Variants in PPP2R5E observed in about 807,000 individuals in gnomAD.
PPP2R5E encodes serine/threonine-protein phosphatase 2A 56 kDa regulatory subunit epsilon isoform.
PPP2R5E carries 4 observed loss-of-function variants against 65.3 expected under a neutral mutation model. The ratio of observed to expected loss-of-function variants is 0.06; its 90% CI spans 0.03 to 0.14. The LOEUF (loss-of-function observed/expected upper bound fraction) is 0.14, where lower values mean the gene tolerates loss of function less well. Among genes scored for constraint, PPP2R5E ranks in the 10% least tolerant of loss-of-function variants. PPP2R5E has a pLI of 1.00. For synonymous variants in PPP2R5E, 183 were observed against 187.4 expected (o/e 0.98, Z 0.19); for missense variants, 274 against 556.1 (o/e 0.49, Z 5.10).
At chr14:63,534,153 A>T (rs1345107598) in intron 2 of PPP2R5E, among the ~76,000 whole-genome samples, 1 of 152,180 alleles carries the variant, frequency 6.6e-6, no homozygotes, top group Admixed American at 6.5e-5. Flanking sequence ...ATTATTATTA[A>T]CATAAATTTG....
intron 13 of PPP2R5E, 34 bp downstream of exon 13, chr14:63,382,020 TTA>T (rs761056131): frequency 6.5e-7 from 1 of 1,539,670 alleles, no homozygotes; most frequent in Non-Finnish European, 8.9e-7. Context: ...CTCAATAGCT[TTA>T]TGCACAGCTG....
intron 3 of PPP2R5E, among the ~76,000 whole-genome samples, chr14:63,425,851 T>A (rs1214747923): frequency 6.6e-6 from 1 of 152,250 alleles, no homozygotes; most frequent in Non-Finnish European, 1.5e-5. Flanking sequence ...TATATTGTGT[T>A]CTAATCTTCT....
intron 11 of PPP2R5E, among the ~76,000 whole-genome samples, chr14:63,388,352 G>A (rs1239486553): frequency 6.6e-6 from 1 of 152,092 alleles, no homozygotes; most frequent in African/African-American, 2.4e-5. Context: ...TGGTGGCCAG[G>A]CTGGTCGCAA....
At chr14:63,440,462 T>G (rs1424740147) in intron 3 of PPP2R5E, among the ~76,000 whole-genome samples, 2 of 151,388 alleles carry the variant, frequency 1.3e-5, no homozygotes, top group Non-Finnish European at 2.9e-5. Context: ...TACTATGTGG[T>G]CTGGCCTTGT....
intron 2 of PPP2R5E, among the ~76,000 whole-genome samples, chr14:63,518,208 T>C (rs1013000765): frequency 6.6e-6 from 1 of 152,110 alleles, no homozygotes; most frequent in Non-Finnish European, 1.5e-5. Flanking sequence ...CCCAAAGCAC[T>C]GGGATTACAA....
At chr14:63,433,588 G>C (rs534810644) in intron 3 of PPP2R5E, among the ~76,000 whole-genome samples, 1 of 152,114 alleles carries the variant, frequency 6.6e-6, no homozygotes, top group Admixed American at 6.5e-5. Flanking sequence ...ATTCAACATA[G>C]TGTCCTACTT....
chr14:63,432,222 T>TA (rs1441876932), intron 3 of PPP2R5E, among the ~76,000 whole-genome samples: 1 of 151,992 alleles, frequency 6.6e-6, no homozygotes, highest in Non-Finnish European at 1.5e-5. Flanking sequence ...CTCTACTGGG[T>TA]ATACACTACA....
intron 5 of PPP2R5E, among the ~76,000 whole-genome samples, chr14:63,400,383 A>G (rs987214454): frequency 5.3e-5 from 8 of 152,218 alleles, no homozygotes; most frequent in African/African-American, 1.7e-4. Flanking sequence ...AAAGGAAGAG[A>G]CATCCAGGCT....
chr14:63,465,928 T>C (rs1204680546), intron 2 of PPP2R5E, among the ~76,000 whole-genome samples: 1 of 152,178 alleles, frequency 6.6e-6, no homozygotes, highest in Non-Finnish European at 1.5e-5. Context: ...ATTTACGCCA[T>C]GCTTATAAGG....
intron 11 of PPP2R5E, 31 bp downstream of exon 11, chr14:63,389,581 C>T (rs1276654103): frequency 1.3e-6 from 2 of 1,563,636 alleles, no homozygotes; most frequent in South Asian, 1.2e-5. Context: ...ATAACTCATG[C>T]TCCCTGGCTC....
chr14:63,458,353 T>A (rs1056351468), intron 2 of PPP2R5E, among the ~76,000 whole-genome samples: 9 of 152,176 alleles, frequency 5.9e-5, no homozygotes, highest in African/African-American at 2.2e-4. Flanking sequence ...TTGGGGCACA[T>A]AATCATGGAT....
intron 3 of PPP2R5E, among the ~76,000 whole-genome samples, chr14:63,442,759 C>G (rs1001126137): frequency 6.6e-6 from 1 of 152,130 alleles, no homozygotes; most frequent in African/African-American, 2.4e-5. Flanking sequence ...GTATGGGATT[C>G]AGTACTATCC....
intron 10 of PPP2R5E, among the ~76,000 whole-genome samples, chr14:63,390,691 G>C (rs549386090): frequency 1.3e-5 from 2 of 152,158 alleles, no homozygotes; most frequent in Non-Finnish European, 2.9e-5. Flanking sequence ...GAGAAGGAAG[G>C]CGTTTCTGCT....
chr14:63,375,012 A>C lies in PPP2R5E; in HGVS notation c.*997T>G, dbSNP rs1214799297. ...ACATCCTCTTTTGCTGGAATACTTT[A>C]TAAATACATATTAAAAAGTAAGGCA... On this transcript the variant is annotated 3_prime_UTR_variant, in exon 14 of 14. Transcript: ENST00000337537. 1 of 152,494 alleles carries C rather than the reference A, an allele frequency of 6.6e-6. No homozygotes were observed. Among genetic ancestry groups the C allele is most frequent in the East Asian group, 1.9e-4 (1 of 5,196 alleles). The allele number at this position is 152,494 out of a possible 1,614,324, so 9.4% of individuals were successfully genotyped here.
chr14:63,523,065 G>A lies in PPP2R5E; in HGVS notation c.157+16464C>T, dbSNP rs866166875. On this transcript the variant is annotated intron_variant, in intron 2 of 13. Transcript: ENST00000337537. ...AAGGAGCCCCTCTGCCCGGCCAGCCGCCCCGTCCGGGAGGGAGGTGGGGGG... is the reference window on the plus strand; with the variant it reads ...AAGGAGCCCCTCTGCCCGGCCAGCCACCCCGTCCGGGAGGGAGGTGGGGGG... Among the ~76,000 whole-genome samples the A allele has an allele frequency of 2.7e-5, 4 of 145,548 alleles. No individual in the cohort carries two copies. In the East Asian group the frequency reaches 6.2e-4, roughly 23 times the overall value.
intron 2 of PPP2R5E, among the ~76,000 whole-genome samples, chr14:63,455,026 A>G (rs967049144): frequency 2.0e-5 from 3 of 152,234 alleles, no homozygotes; most frequent in African/African-American, 7.2e-5. Flanking sequence ...GTACTAAGCA[A>G]GAAGGACCTT....
chr14:63,384,678 AT>A (rs78278279), intron 11 of PPP2R5E, 107 bp from the exon 12 acceptor site: 66,696 of 873,814 alleles, frequency 0.076, 3,371 homozygotes, highest in East Asian at 0.23. Context: ...TTTGTAAATC[AT>A]TCAATTAGAG....
chr14:63,538,232 A>T (rs905888879), intron 2 of PPP2R5E, among the ~76,000 whole-genome samples: 3 of 150,576 alleles, frequency 2.0e-5, no homozygotes, highest in African/African-American at 7.3e-5. Flanking sequence ...TAGGAAATAG[A>T]GGCCACAGTG....
At chr14:63,384,841 A>G (rs1179748377) in intron 11 of PPP2R5E, among the ~76,000 whole-genome samples, 1 of 152,048 alleles carries the variant, frequency 6.6e-6, no homozygotes, top group Non-Finnish European at 1.5e-5. Flanking sequence ...GATTACAGGC[A>G]CATGCCACTA....
Sources: gnomAD v4.1 joint callset for allele counts (sites outside exome capture counted in the v4.1 genomes callset) on GRCh38, gnomAD v4.1.1 for gene constraint, MANE v1.5 for transcripts, NCBI Gene and HGNC (gene_info 2026-07-23, HGNC 2026-07-21) for gene names.